The following PKHD1 variants were observed in gnomAD, a reference collection of about 807,000 sequenced individuals.
The protein encoded by PKHD1 is PKHD1 ciliary IPT domain containing fibrocystin/polyductin.
A neutral mutation model predicts 412.0 loss-of-function variants in PKHD1; 291 were observed. The ratio of observed to expected loss-of-function variants is 0.71; its 90% confidence interval spans 0.64 to 0.78. PKHD1 has a LOEUF of 0.78. Ranked by LOEUF, PKHD1 falls within the 30% of genes least tolerant of loss-of-function variation. The pLI is 0.00. For synonymous variants in PKHD1, 1,777 were observed against 1,821.5 expected (o/e 0.98, Z 0.62); for missense variants, 4,825 against 4,950.7 (o/e 0.97, Z 0.76).
At chr6:52,072,085 T>C in intron 8 of PKHD1, 30 bp downstream of exon 8, 1 of 1,296,974 alleles carries the variant, frequency 7.7e-7, no homozygotes, top group East Asian at 2.3e-5. Context: ...CTTACAAGCA[T>C]GTGCATTGGC....
chr6:51,638,034 T>C lies in PKHD1; in HGVS notation c.11506+815A>G, dbSNP rs192617847. 7.9e-5 allele frequency among the ~76,000 whole-genome samples: 12 copies of C among 152,358 alleles called. No individual in the cohort carries two copies. The East Asian group carries it at 2.3e-3, about 29-fold the overall frequency. ...TTTATTAAGTTCTCTCAAACATATATTTGTTTCACTTACTATTTATTATTT... is the reference window on the plus strand; with the variant it reads ...TTTATTAAGTTCTCTCAAACATATACTTGTTTCACTTACTATTTATTATTT... On this transcript the variant is annotated intron_variant, in intron 64 of 66. Coordinates refer to ENST00000371117, the MANE Select transcript of PKHD1 (RefSeq NM_138694.4).
chr6:51,989,931 GGAAA>G (rs1562072845), intron 35 of PKHD1, among the ~76,000 whole-genome samples: 135 of 102,768 alleles, frequency 1.3e-3, no homozygotes, highest in East Asian at 3.2e-3. Context: ...AAGGAAGGAA[GGAAA>G]GAAGGAAGGA....
At chr6:51,677,667 G>C (rs1324897461) in intron 60 of PKHD1, among the ~76,000 whole-genome samples, 1 of 152,088 alleles carries the variant, frequency 6.6e-6, no homozygotes, top group African/African-American at 2.4e-5. Flanking sequence ...TTCTGTTAAA[G>C]GCCTTTCTGT....
chr6:51,971,815 C>T (rs915113182), intron 35 of PKHD1, among the ~76,000 whole-genome samples: 3 of 152,030 alleles, frequency 2.0e-5, no homozygotes, highest in Non-Finnish European at 4.4e-5. Context: ...ACTGCAGACT[C>T]GACCTCCTGG....
intron 60 of PKHD1, among the ~76,000 whole-genome samples, chr6:51,696,278 C>T (rs1180472150): frequency 6.6e-6 from 1 of 152,150 alleles, no homozygotes; most frequent in Non-Finnish European, 1.5e-5. Context: ...TGGGCAGACA[C>T]AAAGTCAGCA....
At chr6:51,803,737 A>T (rs953296656) in intron 52 of PKHD1, among the ~76,000 whole-genome samples, 7 of 151,316 alleles carry the variant, frequency 4.6e-5, no homozygotes, top group Admixed American at 2.6e-4. Flanking sequence ...ACAGAGTTTC[A>T]CTCTTGTCAC....
At chr6:51,637,377 T>C (rs983062462) in intron 64 of PKHD1, among the ~76,000 whole-genome samples, 1 of 152,176 alleles carries the variant, frequency 6.6e-6, no homozygotes, top group Admixed American at 6.5e-5. Context: ...CTTTGACACA[T>C]AAAGTATGTG....
chr6:51,649,014 C>G, intron 62 of PKHD1, 71 bp downstream of exon 62: 1 of 1,443,484 alleles, frequency 6.9e-7, no homozygotes, highest in Non-Finnish European at 9.7e-7. Flanking sequence ...TGATGACACA[C>G]TCTAAAAGAT....
chr6:51,776,830 T>C (rs1302189116), intron 53 of PKHD1, among the ~76,000 whole-genome samples: 3 of 152,078 alleles, frequency 2.0e-5, no homozygotes, highest in Non-Finnish European at 2.9e-5. Context: ...GTTGGAATTC[T>C]TTCTGACCTA....
intron 50 of PKHD1, among the ~76,000 whole-genome samples, chr6:51,838,784 T>C (rs932651175): frequency 5.3e-5 from 8 of 152,288 alleles, no homozygotes; most frequent in African/African-American, 1.7e-4. Flanking sequence ...GCTCTTCTGG[T>C]TCCTAGACAT....
intron 63 of PKHD1, 49 bp downstream of exon 63, chr6:51,647,982 G>A (rs373143804): frequency 9.6e-7 from 1 of 1,036,604 alleles, no homozygotes; most frequent in African/African-American, 1.6e-5. Context: ...CATTTTCTGT[G>A]CAGATAAAGT....
At chr6:51,941,580 A>AC (rs1381331592) in intron 36 of PKHD1, among the ~76,000 whole-genome samples, 1 of 151,284 alleles carries the variant, frequency 6.6e-6, no homozygotes, top group East Asian at 1.9e-4. Flanking sequence ...AAGCCTATAA[A>AC]CTCTCTTTAC....
intron 35 of PKHD1, among the ~76,000 whole-genome samples, chr6:51,971,321 C>T (rs1793638353): frequency 6.6e-6 from 1 of 152,048 alleles, no homozygotes; most frequent in African/African-American, 2.4e-5. Flanking sequence ...TCACAGAGAC[C>T]ATGTTTAGAT....
intron 65 of PKHD1, among the ~76,000 whole-genome samples, chr6:51,630,441 T>TA (rs1767789221): frequency 6.6e-6 from 1 of 152,170 alleles, no homozygotes; most frequent in Non-Finnish European, 1.5e-5. Context: ...TTTTTGAAAA[T>TA]ACAACTTTTT....
At chr6:51,846,794 A>G (rs1379421444) in intron 50 of PKHD1, among the ~76,000 whole-genome samples, 2 of 152,038 alleles carry the variant, frequency 1.3e-5, no homozygotes, top group African/African-American at 2.4e-5. Context: ...TCAGCCCTCC[A>G]TGCTACTCAT....
intron 64 of PKHD1, among the ~76,000 whole-genome samples, chr6:51,633,509 A>G (rs2150308038): frequency 6.6e-6 from 1 of 152,330 alleles, no homozygotes; most frequent in Middle Eastern, 3.4e-3. Flanking sequence ...GTTTATCTAG[A>G]CAATGAAAAA....
intron 53 of PKHD1, among the ~76,000 whole-genome samples, chr6:51,779,136 A>T (rs961042656): frequency 6.6e-6 from 1 of 152,148 alleles, no homozygotes; most frequent in African/African-American, 2.4e-5. Flanking sequence ...AGTGTTATTT[A>T]TTTATAATTG....
In PKHD1 at chr6:52,079,566, T is replaced by C. The variant is rs146210871; in HGVS notation, c.390+334A>G. Among the ~76,000 whole-genome samples, 776 of 152,314 alleles carry C rather than the reference T, an allele frequency of 5.1e-3. 6 individuals are homozygous for C. Among genetic ancestry groups the C allele is most frequent in the African/African-American group, 0.018 (734 of 41,566 alleles). ...ACCAGATGCAAGTTGAAGTCTTGGT[T>C]CTGCCATTTACTGCCTGATGACATG... On this transcript the variant is annotated intron_variant, in intron 5 of 66. Transcript: ENST00000371117.
intron 48 of PKHD1, among the ~76,000 whole-genome samples, chr6:51,860,119 T>A (rs954109118): frequency 6.6e-6 from 1 of 152,226 alleles, no homozygotes; most frequent in East Asian, 1.9e-4. Context: ...CTTTCTGTAG[T>A]GCAATACAGG....
Sources: gnomAD v4.1 joint callset for allele counts (sites outside exome capture counted in the v4.1 genomes callset) on GRCh38, gnomAD v4.1.1 for gene constraint, MANE v1.5 for transcripts, NCBI Gene and HGNC (gene_info 2026-07-23, HGNC 2026-07-21) for gene names.